The following SORCS2 variants were observed in gnomAD, a reference collection of about 807,000 sequenced individuals.
The protein encoded by SORCS2 is sortilin related VPS10 domain containing receptor 2.
A neutral mutation model predicts 141.6 loss-of-function variants in SORCS2; 100 were observed. That is an observed-to-expected ratio of 0.71 (90% confidence interval 0.60 to 0.83). SORCS2 has a LOEUF of 0.83. SORCS2 is among the 40% of genes least tolerant of loss of function. SORCS2 has a pLI of 0.00. For missense variants in SORCS2, 1,646 were observed against 1,560.2 expected (o/e 1.05, Z -0.93); for synonymous variants, 789 against 676.9 (o/e 1.17, Z -2.57).
At chr4:7,383,167 T>C (rs922946508) in intron 1 of SORCS2, among the ~76,000 whole-genome samples, 17 of 152,218 alleles carry the variant, frequency 1.1e-4, no homozygotes, top group African/African-American at 4.1e-4. Context: ...CTTGAGAAGA[T>C]AATTTGGTAC....
chr4:7,225,741 C>T (rs1728954290), intron 1 of SORCS2, among the ~76,000 whole-genome samples: 1 of 152,186 alleles, frequency 6.6e-6, no homozygotes, highest in Non-Finnish European at 1.5e-5. Context: ...ATCTCTCTCT[C>T]TCCTCTTGTG....
At chr4:7,507,757 A>G (rs1204182953) in intron 2 of SORCS2, among the ~76,000 whole-genome samples, 1 of 151,444 alleles carries the variant, frequency 6.6e-6, no homozygotes, top group African/African-American at 2.4e-5. Flanking sequence ...TGGGGGGAAA[A>G]GTTAAGGCAT....
At chr4:7,704,619 G>A (rs540639676) in intron 14 of SORCS2, among the ~76,000 whole-genome samples, 83 of 152,272 alleles carry the variant, frequency 5.5e-4, no homozygotes, top group African/African-American at 1.8e-3. Flanking sequence ...CACCCATCCC[G>A]GGGTCTGAGG....
At chr4:7,557,961 A>G (rs988035600) in intron 3 of SORCS2, among the ~76,000 whole-genome samples, 20 of 152,344 alleles carry the variant, frequency 1.3e-4, no homozygotes, top group African/African-American at 4.8e-4. Context: ...ACCTACTCAC[A>G]GACACCAAGA....
intron 1 of SORCS2, among the ~76,000 whole-genome samples, chr4:7,287,215 C>G (rs1361404867): frequency 1.3e-5 from 2 of 152,214 alleles, no homozygotes; most frequent in Non-Finnish European, 2.9e-5. Flanking sequence ...TGAGAAAGAT[C>G]AAGGACCCAC....
At chr4:7,565,489 G>T (rs1201100250) in intron 3 of SORCS2, among the ~76,000 whole-genome samples, 1 of 152,126 alleles carries the variant, frequency 6.6e-6, no homozygotes, top group Non-Finnish European at 1.5e-5. Context: ...AGGAAAATAT[G>T]ATTAGCATAA....
chr4:7,407,843 T>C (rs987227439), intron 2 of SORCS2, among the ~76,000 whole-genome samples: 1 of 152,104 alleles, frequency 6.6e-6, no homozygotes, highest in African/African-American at 2.4e-5. Context: ...TTAAATCTAT[T>C]ATAGGTTTTT....
intron 1 of SORCS2, among the ~76,000 whole-genome samples, chr4:7,393,250 G>A (rs1353858840): frequency 6.6e-6 from 1 of 152,138 alleles, no homozygotes; most frequent in Non-Finnish European, 1.5e-5. Flanking sequence ...CTCTGGATGG[G>A]AGGAGACCCT....
At chr4:7,438,008 C>A (rs953487669) in intron 2 of SORCS2, among the ~76,000 whole-genome samples, 2 of 152,144 alleles carry the variant, frequency 1.3e-5, no homozygotes, top group Non-Finnish European at 2.9e-5. Context: ...TCCTAAGGAC[C>A]AGGACATTCT....
At chr4:7,583,587 C>T (rs923714219) in intron 3 of SORCS2, among the ~76,000 whole-genome samples, 15 of 152,154 alleles carry the variant, frequency 9.9e-5, no homozygotes, top group African/African-American at 3.6e-4. Context: ...CCATACTGTT[C>T]TCATGGTAGT....
chr4:7,473,607 C>G (rs1005296328), intron 2 of SORCS2, among the ~76,000 whole-genome samples: 1 of 152,142 alleles, frequency 6.6e-6, no homozygotes, highest in Non-Finnish European at 1.5e-5. Flanking sequence ...AAGACAGAAT[C>G]GGGTCACAAA....
chr4:7,390,394 C>T (rs570615658), intron 1 of SORCS2, among the ~76,000 whole-genome samples: 15 of 152,242 alleles, frequency 9.9e-5, no homozygotes, highest in South Asian at 2.1e-4. Context: ...GTGCTCAGAA[C>T]GTTTCTTGCT....
intron 20 of SORCS2, among the ~76,000 whole-genome samples, chr4:7,725,759 T>G (rs1185505716): frequency 1.3e-5 from 2 of 152,122 alleles, no homozygotes; most frequent in African/African-American, 2.4e-5. Context: ...GAGCCCAAAT[T>G]AGCAGAATGC....
chr4:7,195,068 G>A (rs998213517), intron 1 of SORCS2, among the ~76,000 whole-genome samples: 1 of 152,094 alleles, frequency 6.6e-6, no homozygotes, highest in South Asian at 2.1e-4. Context: ...CACTGGGGGT[G>A]GGGGGCTGTC....
intron 18 of SORCS2, among the ~76,000 whole-genome samples, chr4:7,719,271 G>A (rs1726413078): frequency 6.6e-6 from 1 of 152,256 alleles, no homozygotes; most frequent in Admixed American, 6.5e-5. Flanking sequence ...AGGCAAACAT[G>A]GAAACTGAGG....
intron 2 of SORCS2, among the ~76,000 whole-genome samples, chr4:7,421,049 G>C (rs1329340661): frequency 6.6e-6 from 1 of 152,190 alleles, no homozygotes; most frequent in Non-Finnish European, 1.5e-5. Flanking sequence ...ACCCGGGCCT[G>C]GTTCCCAGTT....
At position 7,483,779 on chromosome 4, in the gene SORCS2, C is replaced by T. The variant is rs148167812; in HGVS notation, c.549-47751C>T. On this transcript the variant is annotated intron_variant, in intron 2 of 26. Coordinates refer to ENST00000507866, the MANE Select transcript of SORCS2 (RefSeq NM_020777.3). ...GGGGGCCAGGGGAGGGAGAGCATTA[C>T]GACAAATACCTAATGAATGCAGGGC... Among the ~76,000 whole-genome samples the T allele has an allele frequency of 1.4e-3, 206 of 152,082 alleles. 1 individual carries two copies. Among genetic ancestry groups the T allele is most frequent in the African/African-American group, 4.6e-3 (191 of 41,486 alleles).
intron 3 of SORCS2, among the ~76,000 whole-genome samples, chr4:7,600,979 G>C (rs564271759): frequency 6.6e-6 from 1 of 152,156 alleles, no homozygotes; most frequent in African/African-American, 2.4e-5. Context: ...TCCATCTCCC[G>C]GGTTCAAGTG....
intron 1 of SORCS2, among the ~76,000 whole-genome samples, chr4:7,219,191 T>G (rs1407885683): frequency 1.3e-5 from 2 of 152,146 alleles, no homozygotes; most frequent in Non-Finnish European, 2.9e-5. Flanking sequence ...TGTGTGTCTG[T>G]TCATGTCTAT....
Sources: gnomAD v4.1 joint callset for allele counts (sites outside exome capture counted in the v4.1 genomes callset) on GRCh38, gnomAD v4.1.1 for gene constraint, MANE v1.5 for transcripts, NCBI Gene and HGNC (gene_info 2026-07-23, HGNC 2026-07-21) for gene names.